PRKAR1A: variants seen among roughly 807,000 people sequenced by gnomAD.
The protein encoded by PRKAR1A is cAMP-dependent protein kinase type I-alpha regulatory subunit.
A neutral mutation model predicts 52.0 loss-of-function variants in PRKAR1A; 3 were observed. The ratio of observed to expected loss-of-function variants is 0.06; its 90% CI spans 0.03 to 0.15. PRKAR1A has a LOEUF of 0.15. PRKAR1A is among the 10% of genes least tolerant of loss of function. The pLI, the probability that PRKAR1A is intolerant of heterozygous loss-of-function variation, is 1.00. For missense variants in PRKAR1A, 240 were observed against 477.4 expected (o/e 0.50, Z 4.63); for synonymous variants, 188 against 168.4 (o/e 1.12, Z -0.90).
At chr17:68,425,021 G>A in the PRKAR1A span, among the ~76,000 whole-genome samples, 1 of 152,246 alleles carries the variant, frequency 6.6e-6, no homozygotes, top group African/African-American at 2.4e-5. Flanking sequence ...GGAAGCCCCA[G>A]CAGGCTCTCA....
intron 11 of PRKAR1A, chr17:68,540,530 C>CT (rs541111198): frequency 4.1e-6 from 2 of 493,474 alleles, no homozygotes; most frequent in African/African-American, 1.9e-5. Context: ...TATTTGTGTA[C>CT]TTTCTTCCCT....
downstream of PRKAR1A, chr17:68,537,168 C>G (rs1198809973): frequency 7.2e-6 from 4 of 553,332 alleles, no homozygotes; most frequent in Admixed American, 6.6e-5. The surrounding 1 kb of genome is among the most constrained non-coding windows in gnomAD (Gnocchi z 4.2). Flanking sequence ...TAGTACTCTC[C>G]TGGGATCAAG....
the PRKAR1A span, among the ~76,000 whole-genome samples, chr17:68,439,520 C>T: frequency 2.0e-5 from 3 of 151,874 alleles, no homozygotes; most frequent in Admixed American, 6.6e-5. Context: ...AGGTTTGGGG[C>T]GATGAAAATG....
chr17:68,430,967 T>C, the PRKAR1A span, among the ~76,000 whole-genome samples: 1 of 152,148 alleles, frequency 6.6e-6, no homozygotes, highest in Admixed American at 6.5e-5. Context: ...CTAGGGGGTC[T>C]TTGGACAAAC....
At chr17:68,536,081 GAC>G, downstream of PRKAR1A, 1 of 454,124 alleles carries the variant, frequency 2.2e-6, no homozygotes, top group South Asian at 1.6e-5. Context: ...ATTTTAGAGA[GAC>G]ACAAAGTCCA....
the PRKAR1A span, chr17:68,422,010 C>A: frequency 1.6e-6 from 1 of 639,962 alleles, no homozygotes; most frequent in South Asian, 1.8e-5. Context: ...AAGTATGACA[C>A]AGTTCTAGAA....
chr17:68,526,023 CTTTCT>C (rs2085779408), intron 7 of PRKAR1A, 111 bp downstream of exon 7: 14 of 1,352,524 alleles, frequency 1.0e-5, no homozygotes, highest in Middle Eastern at 2.2e-4. Context: ...GCAAATATTT[CTTTCT>C]TTTAATAAGC....
chr17:68,426,897 G>A, the PRKAR1A span, among the ~76,000 whole-genome samples: 1 of 152,214 alleles, frequency 6.6e-6, no homozygotes, highest in Non-Finnish European at 1.5e-5. Flanking sequence ...ACCGTATCGT[G>A]TGATGCCTTG....
chr17:68,509,870 G>A (rs759674397), upstream of PRKAR1A, among the ~76,000 whole-genome samples: 1 of 152,164 alleles, frequency 6.6e-6, no homozygotes, highest in Admixed American at 6.5e-5. Flanking sequence ...GAAATGGCCC[G>A]TGGCTGGACT....
intron 9 of PRKAR1A, among the ~76,000 whole-genome samples, chr17:68,529,459 C>T (rs1347080809): frequency 6.6e-6 from 1 of 152,178 alleles, no homozygotes; most frequent in Admixed American, 6.5e-5. Context: ...ATGAATGTGG[C>T]TCCATAGTTG....
rs2143383985 is a variant in PRKAR1A at position 68,529,981 on chromosome 17, TG to T, written c.957del (p.Pro320LeufsTer11). 6.2e-7 allele frequency: 1 copy of T among 1,614,036 alleles called. No individual in the cohort carries two copies. The highest frequency in any genetic ancestry group is 8.5e-7 in the Non-Finnish European group (1 of 1,179,950). ...GAAGAGTTTGTTGAAGTGGGAAGATTGGGGCCTTCTGATTATTTTGGTATGT... is the reference window on the plus strand; with the variant it reads ...GAAGAGTTTGTTGAAGTGGGAAGATTGGGCCTTCTGATTATTTTGGTATGT... The part of the protein sequence containing the change: ...ENEEFVEVGR[L>X]GPSDYFGEIA... On this transcript the variant is annotated frameshift_variant, in exon 10 of 11. Coordinates refer to ENST00000589228, the MANE Select transcript of PRKAR1A (RefSeq NM_002734.5). LOFTEE classifies it high-confidence loss of function.
the PRKAR1A span, among the ~76,000 whole-genome samples, chr17:68,482,647 G>A: frequency 6.6e-6 from 1 of 152,180 alleles, no homozygotes. Flanking sequence ...ATTAAGCTTA[G>A]CGTTATCAAA....
intron 2 of PRKAR1A, among the ~76,000 whole-genome samples, chr17:68,516,095 AGATATT>A (rs1320561411): frequency 2.0e-5 from 3 of 152,314 alleles, no homozygotes; most frequent in East Asian, 1.9e-4. Flanking sequence ...ATTACTGTAG[AGATATT>A]GATATTGATG....
intron 2 of PRKAR1A, among the ~76,000 whole-genome samples, chr17:68,517,955 G>A (rs1414009932): frequency 3.9e-5 from 6 of 152,174 alleles, no homozygotes; most frequent in Non-Finnish European, 8.8e-5. Flanking sequence ...CAAAACAAGG[G>A]GAGTATAGAC....
At chr17:68,479,125 T>C in the PRKAR1A span, among the ~76,000 whole-genome samples, 1 of 152,248 alleles carries the variant, frequency 6.6e-6, no homozygotes, top group East Asian at 1.9e-4. Flanking sequence ...TTGTCCAGTA[T>C]TTTAGTTTCT....
chr17:68,499,662 G>A, the PRKAR1A span, among the ~76,000 whole-genome samples: 17,033 of 152,284 alleles, frequency 0.11, 976 homozygotes, highest in Middle Eastern at 0.15. Flanking sequence ...ATAGGTGTTG[G>A]AATTTCTACT....
chr17:68,520,153 A>G (rs1393015116), intron 2 of PRKAR1A, among the ~76,000 whole-genome samples: 9 of 152,224 alleles, frequency 5.9e-5, no homozygotes, highest in Non-Finnish European at 8.8e-5. Flanking sequence ...CAGAAGCTCA[A>G]GGTGGACAGA....
downstream of PRKAR1A, chr17:68,535,973 G>C (rs531477523): frequency 2.2e-6 from 1 of 454,138 alleles, no homozygotes; most frequent in East Asian, 6.9e-5. Flanking sequence ...ATTGGAGGAT[G>C]GGGGTTGTAT....
At chr17:68,527,972 A>G in intron 8 of PRKAR1A, 72 bp downstream of exon 8, 1 of 1,353,054 alleles carries the variant, frequency 7.4e-7, no homozygotes, top group East Asian at 2.3e-5. Flanking sequence ...GGACTTGGGA[A>G]AAGCCTTCTG....
Sources: gnomAD v4.1 joint callset for allele counts (sites outside exome capture counted in the v4.1 genomes callset) on GRCh38, gnomAD v4.1.1 for gene constraint, Gnocchi (gnomAD v3.1) non-coding constraint, MANE v1.5 for transcripts, NCBI Gene and HGNC (gene_info 2026-07-23, HGNC 2026-07-21) for gene names.